The following MVD variants were observed in gnomAD, a reference collection of about 807,000 sequenced individuals.
MVD encodes mevalonate diphosphate decarboxylase, also known as diphosphomevalonate decarboxylase.
A neutral mutation model predicts 42.4 loss-of-function variants in MVD; 52 were observed. That is an observed-to-expected ratio of 1.23 (90% CI 0.98 to 1.55). The LOEUF (loss-of-function observed/expected upper bound fraction) is 1.55. Ranked by LOEUF, MVD falls within the 40% of genes most tolerant of loss-of-function variation. The probability of loss-of-function intolerance (pLI) is 0.00; values close to 1 mark genes in which losing one functional copy is unlikely to be tolerated. For synonymous variants in MVD, 287 were observed against 243.2 expected (o/e 1.18, Z -1.68); for missense variants, 663 against 572.1 (o/e 1.16, Z -1.62).
rs758564253 is a variant in MVD at position 88,657,578 on chromosome 16, G to T, written c.261C>A (p.Arg87=). The T allele has an allele frequency of 1.2e-6, 2 of 1,612,386 alleles. No homozygotes were observed. Among genetic ancestry groups the T allele is most frequent in the South Asian group, 1.1e-5 (1 of 91,032 alleles). ...PRLQACLREI[R]CLARKRRNSR... ...AGTTCCTCCGCTTCCGGGCCAGGCA[G>T]CGGACTGCAGAGACAATGAGACAGC... The change falls in exon 4 of 10, where the codon CGC becomes CGA. Residue 87 remains arginine, a synonymous_variant. Coordinates refer to ENST00000301012, the MANE Select transcript of MVD (RefSeq NM_002461.3).
intron 1 of MVD, 82 bp from the exon 2 acceptor site, chr16:88,658,802 C>A (rs1352235841): frequency 4.0e-6 from 4 of 1,008,890 alleles, no homozygotes; most frequent in East Asian, 4.3e-5. Flanking sequence ...CCCCACCCCC[C>A]ACCCACGGCC....
At chr16:88,656,950 A>C in intron 4 of MVD, 2 of 333,738 alleles carry the variant, frequency 6.0e-6, no homozygotes, top group South Asian at 4.6e-5. Context: ...GCCTGGGGCC[A>C]GCAGAGAGCT....
intron 8 of MVD, among the ~76,000 whole-genome samples, chr16:88,654,344 C>G (rs544850880): frequency 6.6e-6 from 1 of 152,220 alleles, no homozygotes; most frequent in Admixed American, 6.5e-5. Flanking sequence ...TTCAAAATGT[C>G]GGACACTTAC....
intron 6 of MVD, 59 bp from the exon 7 acceptor site, chr16:88,655,476 G>A (rs1044492299): frequency 1.9e-5 from 29 of 1,530,116 alleles, no homozygotes; most frequent in East Asian, 9.8e-5. Context: ...CAGAGGGTTC[G>A]AGGAGAGACT....
chr16:88,662,850 C>T, intron 1 of MVD, 161 bp downstream of exon 1: 5 of 1,435,494 alleles, frequency 3.5e-6, no homozygotes, highest in Non-Finnish European at 4.5e-6. Context: ...AGCGCGCGGC[C>T]CCGCCCGACC....
At chr16:88,653,530 G>A in intron 8 of MVD, 122 bp from the exon 9 acceptor site, 1 of 792,214 alleles carries the variant, frequency 1.3e-6, no homozygotes, top group Non-Finnish European at 1.9e-6. Flanking sequence ...CAGGGAGGGG[G>A]AGACGGCAGG....
chr16:88,652,336 G>C lies in MVD; in HGVS notation c.*189C>G. 1.5e-6 allele frequency: 1 copy of C among 655,408 alleles called. No individual in the cohort carries two copies. The highest frequency in any genetic ancestry group is 2.7e-6 in the Non-Finnish European group (1 of 366,570). The allele number at this position is 655,408 out of a possible 1,614,324, so 40.6% of individuals were successfully genotyped here. ...GCAGCTTAGGGCAGCTGAAGCACTC[G>C]GCGGGGACCTCTCCTGACACCTGGG... On this transcript the variant is annotated 3_prime_UTR_variant, in exon 10 of 10. Coordinates refer to ENST00000301012, the MANE Select transcript of MVD (RefSeq NM_002461.3).
At chr16:88,655,062 A>G in intron 7 of MVD, 137 bp downstream of exon 7, 2 of 1,111,258 alleles carry the variant, frequency 1.8e-6, no homozygotes, top group South Asian at 2.9e-5. Context: ...ATGGTCAGTG[A>G]GCTTCGCACA....
intron 4 of MVD, chr16:88,656,973 G>A: frequency 2.9e-6 from 1 of 344,586 alleles, no homozygotes; most frequent in Non-Finnish European, 5.7e-6. Context: ...GTCCAGCGGG[G>A]CCTGCAACCA....
intron 4 of MVD, chr16:88,656,701 C>G (rs958815242): frequency 3.6e-6 from 1 of 278,022 alleles, no homozygotes; most frequent in African/African-American, 2.2e-5. Flanking sequence ...CTCCACAAGA[C>G]GCGCCCCCTG....
At chr16:88,661,056 A>C (rs1908261481) in intron 1 of MVD, among the ~76,000 whole-genome samples, 1 of 151,048 alleles carries the variant, frequency 6.6e-6, no homozygotes, top group Non-Finnish European at 1.5e-5. Flanking sequence ...ATCCAGAAAT[A>C]GACCCACACA....
chr16:88,654,091 C>T (rs901462188), intron 8 of MVD, among the ~76,000 whole-genome samples: 2 of 151,912 alleles, frequency 1.3e-5, no homozygotes, highest in Non-Finnish European at 1.5e-5. Context: ...AGCTGTGCAC[C>T]GAGGAGGGCG....
intron 2 of MVD, 64 bp from the exon 3 acceptor site, chr16:88,658,093 C>T: frequency 6.6e-7 from 1 of 1,507,658 alleles, no homozygotes; most frequent in South Asian, 1.1e-5. Flanking sequence ...GCCAGGTACC[C>T]CTTTCTACTG....
At chr16:88,655,858 G>T in intron 5 of MVD, 128 bp from the exon 6 acceptor site, 1 of 1,213,240 alleles carries the variant, frequency 8.2e-7, no homozygotes, top group South Asian at 1.4e-5. Context: ...CCACCTGCCT[G>T]ACCACAGAGG....
intron 7 of MVD, 114 bp from the exon 8 acceptor site, chr16:88,654,921 A>G (rs909218666): frequency 5.6e-6 from 6 of 1,064,536 alleles, no homozygotes; most frequent in African/African-American, 4.8e-5. Flanking sequence ...CTAGGCCCTC[A>G]GGGCCACACT....
intron 1 of MVD, 52 bp from the exon 2 acceptor site, chr16:88,658,772 C>G (rs781451194): frequency 2.7e-6 from 4 of 1,464,676 alleles, no homozygotes; most frequent in East Asian, 2.5e-5. Context: ...CCACCCTCCC[C>G]CAGTGTTCCC....
At chr16:88,659,145 A>G in intron 1 of MVD, 1 of 193,642 alleles carries the variant, frequency 5.2e-6, no homozygotes, top group East Asian at 1.2e-4. Context: ...CGGCCATGGG[A>G]CAGCACGTGA....
chr16:88,655,130 C>T (rs4782309), intron 7 of MVD, 69 bp downstream of exon 7: 183,063 of 1,516,220 alleles, frequency 0.12, 11,780 homozygotes, highest in South Asian at 0.14. Flanking sequence ...GGGGCCGTCT[C>T]CACGGCAGCA....
chr16:88,661,942 G>GTATA lies in MVD; in HGVS notation c.70+1065_70+1068dup, dbSNP rs55812622. Among the ~76,000 whole-genome samples the GTATA allele has an allele frequency of 8.6e-4, 128 of 149,566 alleles. 1 individual carries two copies. Among genetic ancestry groups the GTATA allele is most frequent in the Admixed American group, 4.5e-3 (67 of 14,922 alleles). ...TACACACACATATATCTATACAGGT[G>GTATA]TATATATATATACACACACACAAAC... On this transcript the variant is annotated intron_variant, in intron 1 of 9. Transcript: ENST00000301012.
Sources: gnomAD v4.1 joint callset for allele counts (sites outside exome capture counted in the v4.1 genomes callset) on GRCh38, gnomAD v4.1.1 for gene constraint, MANE v1.5 for transcripts, NCBI Gene and HGNC (gene_info 2026-07-23, HGNC 2026-07-21) for gene names.